Variants in RAP1GAP2 observed in about 807,000 individuals in gnomAD.
RAP1GAP2 encodes RAP1 GTPase activating protein 2, also known as rap1 GTPase-activating protein 2.
A neutral mutation model predicts 95.0 loss-of-function variants in RAP1GAP2; 27 were observed. The ratio of observed to expected loss-of-function variants is 0.28; its 90% CI spans 0.21 to 0.39. The LOEUF is 0.39. Ranked by LOEUF, RAP1GAP2 falls within the 10% of genes least tolerant of loss-of-function variation. RAP1GAP2 has a pLI of 1.00. For missense variants in RAP1GAP2, 771 were observed against 970.0 expected (o/e 0.79, Z 2.72); for synonymous variants, 373 against 380.9 (o/e 0.98, Z 0.24).
At chr17:2,762,905 GACTCAAGCAATCCTCCTAC>G (rs2071282859) in intron 1 of RAP1GAP2, among the ~76,000 whole-genome samples, 1 of 151,930 alleles carries the variant, frequency 6.6e-6, no homozygotes, top group African/African-American at 2.4e-5. Context: ...CGAACTCCCG[GACTCAAGCAATCCTCCTAC>G]CTCAGCCTCT....
chr17:2,884,029 A>C (rs557455275), intron 2 of RAP1GAP2, among the ~76,000 whole-genome samples: 1 of 152,268 alleles, frequency 6.6e-6, no homozygotes, highest in South Asian at 2.1e-4. Context: ...CTCTCTCTCC[A>C]GGGAGAGCAG....
chr17:2,972,598 CAAAAAAAA>C, intron 8 of RAP1GAP2, among the ~76,000 whole-genome samples: 1 of 85,506 alleles, frequency 1.2e-5, no homozygotes, highest in Admixed American at 1.5e-4. Flanking sequence ...AAGTCCTTCT[CAAAAAAAA>C]AAAAAAAAAA....
At chr17:2,802,291 G>A (rs1261732759) in intron 2 of RAP1GAP2, among the ~76,000 whole-genome samples, 1 of 152,202 alleles carries the variant, frequency 6.6e-6, no homozygotes, top group Non-Finnish European at 1.5e-5. Context: ...ATAAAAGAGG[G>A]TCAAAATAAG....
intron 4 of RAP1GAP2, among the ~76,000 whole-genome samples, chr17:2,959,874 C>G (rs1002629827): frequency 6.6e-6 from 1 of 152,094 alleles, no homozygotes; most frequent in African/African-American, 2.4e-5. Flanking sequence ...ACCTGTCATC[C>G]CAGCACTTGG....
At chr17:3,019,600 TC>T (rs2046886893) in intron 18 of RAP1GAP2, among the ~76,000 whole-genome samples, 1 of 152,188 alleles carries the variant, frequency 6.6e-6, no homozygotes, top group Non-Finnish European at 1.5e-5. Context: ...CAGAACATAC[TC>T]ACCATGGAAC....
intron 2 of RAP1GAP2, among the ~76,000 whole-genome samples, chr17:2,861,700 C>T (rs1453556949): frequency 4.6e-5 from 7 of 151,912 alleles, no homozygotes; most frequent in Non-Finnish European, 1.0e-4. Flanking sequence ...AGTGCAGTGG[C>T]GCGATCACAG....
rs2151660042 is a variant in RAP1GAP2 at position 3,026,352 on chromosome 17, C to T, written c.1868C>T (p.Pro623Leu). 2 of 1,550,476 alleles carry T rather than the reference C, an allele frequency of 1.3e-6. No individual in the cohort carries two copies. Among genetic ancestry groups the T allele is most frequent in the Admixed American group, 2.0e-5 (1 of 51,006 alleles). Reference protein sequence around the residue: ...SPEICPNKEKPFMKLKENGRA... With the variant: ...SPEICPNKEKLFMKLKENGRA... ...GCCTCACTTCCTATTCCCTGCAGGC[C>T]CTTCATGAAGTTGAAGGAAAACGGC... The change falls in exon 21 of 25, where the codon CCC becomes CTC. Residue 623 changes from proline (P) to leucine (L), a missense_variant and splice_region_variant. Transcript: ENST00000254695.
chr17:2,935,616 C>G (rs934079834), intron 3 of RAP1GAP2, among the ~76,000 whole-genome samples: 4 of 152,130 alleles, frequency 2.6e-5, no homozygotes, highest in Non-Finnish European at 5.9e-5. Flanking sequence ...GAAATTAATT[C>G]TATAAATCCA....
chr17:2,818,182 C>T (rs1177127632), intron 2 of RAP1GAP2, among the ~76,000 whole-genome samples: 2 of 151,876 alleles, frequency 1.3e-5, no homozygotes, highest in Non-Finnish European at 2.9e-5. Flanking sequence ...AGAAATAAAA[C>T]ACACACATAA....
intron 18 of RAP1GAP2, among the ~76,000 whole-genome samples, chr17:3,019,235 A>G (rs77710701): frequency 1.3e-5 from 2 of 152,094 alleles, no homozygotes; most frequent in African/African-American, 2.4e-5. Flanking sequence ...GGAATCATGT[A>G]GTTGGGCCTT....
At chr17:2,778,513 T>C (rs115518179) in intron 1 of RAP1GAP2, among the ~76,000 whole-genome samples, 6,741 of 152,002 alleles carry the variant, frequency 0.044, 185 homozygotes, top group African/African-American at 0.062. Flanking sequence ...CGCTTGCAGC[T>C]CTCCTCACCC....
intron 1 of RAP1GAP2, among the ~76,000 whole-genome samples, chr17:2,768,667 G>A (rs1179679761): frequency 8.0e-5 from 12 of 149,844 alleles, no homozygotes; most frequent in Non-Finnish European, 1.5e-4. Context: ...ACTCTAGGCT[G>A]GGCAACAAGA....
intron 1 of RAP1GAP2, among the ~76,000 whole-genome samples, chr17:2,780,594 A>C (rs767674485): frequency 2.6e-5 from 4 of 152,208 alleles, no homozygotes; most frequent in Non-Finnish European, 2.9e-5. Context: ...GAAGGTGTCC[A>C]GCTGCCTCTT....
chr17:2,822,862 C>G (rs943076087), intron 2 of RAP1GAP2, among the ~76,000 whole-genome samples: 5 of 152,196 alleles, frequency 3.3e-5, no homozygotes, highest in East Asian at 3.9e-4. Flanking sequence ...CCCACTCCCC[C>G]CAGTCCCAGC....
rs995611378 is a variant in RAP1GAP2, at chr17:2,796,669, G to C, written c.44+98G>C. On this transcript the variant is annotated intron_variant, in intron 1 of 24. Transcript: ENST00000254695. This position sits in a 1 kb window ranked among gnomAD's most constrained non-coding sequence, Gnocchi z 4.7. ...CGGCCGTGGGAACAGAGGGGCTCGGGCTGTGCCTGAGAGCTGGGTCTGCTG... is the reference window on the plus strand; with the variant it reads ...CGGCCGTGGGAACAGAGGGGCTCGGCCTGTGCCTGAGAGCTGGGTCTGCTG... The C allele has an allele frequency of 3.6e-6, 5 of 1,400,312 alleles. No individual in the cohort carries two copies. The African/African-American group carries it at 5.7e-5, about 16-fold the overall frequency. The allele number at this position is 1,400,312 out of a possible 1,614,324, so 86.7% of individuals were successfully genotyped here. A position where few individuals can be genotyped will look rare whatever the true frequency, so the allele number is the denominator to read the frequency against.
intron 2 of RAP1GAP2, among the ~76,000 whole-genome samples, chr17:2,897,774 C>T (rs576378380): frequency 1.3e-5 from 2 of 152,228 alleles, no homozygotes; most frequent in African/African-American, 2.4e-5. Flanking sequence ...GCGGTTCCCT[C>T]GGCTCTCCAG....
At position 2,871,805 on chromosome 17, in the gene RAP1GAP2, A is replaced by G. The variant is rs1199896152; in HGVS notation, c.81-33479A>G. Among the ~76,000 whole-genome samples the G allele has an allele frequency of 6.6e-6, 1 of 152,254 alleles. No homozygotes were observed. Among genetic ancestry groups the G allele is most frequent in the East Asian group, 1.9e-4 (1 of 5,200 alleles). Reference sequence around the variant, plus strand: ...TCTTTCCACACACGTGGAATGACGTAGAATGAGGTCATTCACGGCAATATT... The same window carrying G: ...TCTTTCCACACACGTGGAATGACGTGGAATGAGGTCATTCACGGCAATATT... On this transcript the variant is annotated intron_variant, in intron 2 of 24. Transcript: ENST00000254695. This position sits in a 1 kb window ranked among gnomAD's most constrained non-coding sequence, Gnocchi z 5.0.
intron 2 of RAP1GAP2, among the ~76,000 whole-genome samples, chr17:2,843,342 G>C (rs905126007): frequency 2.0e-5 from 3 of 151,378 alleles, no homozygotes; most frequent in Admixed American, 6.6e-5. Context: ...CTGGAGTGCA[G>C]TGGCGCGATC....
Position 2,909,342 on chromosome 17 carries a change from G to A in RAP1GAP2, c.165+3974G>A, listed in dbSNP as rs1567766968. 2.6e-5 allele frequency among the ~76,000 whole-genome samples: 4 copies of A among 152,134 alleles called. No homozygotes were observed. In the East Asian group the frequency reaches 7.7e-4, roughly 29 times the overall value. ...GCTCCGCGGCCTGGCAGTTGCAGGG[G>A]ATGTAACTCAGACCAGCCCTGGGAG... is the stretch of plus-strand genomic sequence containing the variant. On this transcript the variant is annotated intron_variant, in intron 3 of 24. Coordinates refer to ENST00000254695, the MANE Select transcript of RAP1GAP2 (RefSeq NM_015085.5).
Sources: allele counts gnomAD v4.1 joint callset (sites outside exome capture counted in the v4.1 genomes callset), GRCh38; gene constraint gnomAD v4.1.1; non-coding constraint Gnocchi (gnomAD v3.1); transcripts MANE v1.5; gene names NCBI Gene and HGNC (gene_info 2026-07-23, HGNC 2026-07-21).